The following GRIK1 variants were observed in gnomAD, a reference collection of about 807,000 sequenced individuals.
GRIK1 encodes glutamate receptor ionotropic, kainate 1.
A neutral mutation model predicts 105.7 loss-of-function variants in GRIK1; 69 were observed. The ratio of observed to expected loss-of-function variants is 0.65; its 90% CI spans 0.54 to 0.80. The LOEUF is 0.80. Ranked by LOEUF, GRIK1 falls within the 30% of genes least tolerant of loss-of-function variation. The pLI, the probability that GRIK1 is intolerant of heterozygous loss-of-function variation, is 0.00. For synonymous variants in GRIK1, 438 were observed against 431.3 expected (o/e 1.02, Z -0.19); for missense variants, 1,109 against 1,167.3 (o/e 0.95, Z 0.73).
chr21:29,601,147 G>T (rs1380577168), intron 7 of GRIK1: 1 of 458,022 alleles, frequency 2.2e-6, no homozygotes, highest in Non-Finnish European at 4.6e-6. Flanking sequence ...CTCCACGTGA[G>T]TGGGTACCAT....
chr21:29,636,856 G>C (rs2062407841), intron 7 of GRIK1, among the ~76,000 whole-genome samples: 1 of 151,926 alleles, frequency 6.6e-6, no homozygotes, highest in Non-Finnish European at 1.5e-5. Flanking sequence ...TCAATTATCA[G>C]TCAAATTTGA....
chr21:29,633,876 A>G (rs1462167111), intron 7 of GRIK1, among the ~76,000 whole-genome samples: 2 of 152,060 alleles, frequency 1.3e-5, no homozygotes, highest in Non-Finnish European at 2.9e-5. Flanking sequence ...AGAAATGGAA[A>G]TTTTTTCTGA....
chr21:29,704,715 T>C (rs1029818301), intron 1 of GRIK1, among the ~76,000 whole-genome samples: 2 of 152,152 alleles, frequency 1.3e-5, no homozygotes, highest in Non-Finnish European at 2.9e-5. Flanking sequence ...GCCTGACTTT[T>C]TCCATTACTG....
intron 1 of GRIK1, among the ~76,000 whole-genome samples, chr21:29,777,427 G>A (rs2065974406): frequency 1.3e-5 from 2 of 152,144 alleles, no homozygotes; most frequent in Admixed American, 1.3e-4. Flanking sequence ...AACCATGAAG[G>A]CTTTCCAAGG....
At chr21:29,848,792 T>TC (rs1555898515) in intron 1 of GRIK1, among the ~76,000 whole-genome samples, 6 of 144,720 alleles carry the variant, frequency 4.1e-5, no homozygotes, top group South Asian at 2.1e-4. Flanking sequence ...TTTTTTTTTT[T>TC]CCACGATCTT....
At chr21:29,867,920 G>GAA (rs2068873296) in intron 1 of GRIK1, among the ~76,000 whole-genome samples, 6 of 136,042 alleles carry the variant, frequency 4.4e-5, no homozygotes, top group African/African-American at 1.8e-4. Flanking sequence ...GAGAGAGAAA[G>GAA]AGAGAAAGAG....
intron 1 of GRIK1, among the ~76,000 whole-genome samples, chr21:29,876,173 C>T (rs952164550): frequency 6.7e-6 from 1 of 149,172 alleles, no homozygotes; most frequent in Non-Finnish European, 1.5e-5. Flanking sequence ...CTACTAGGTA[C>T]TTGGGTTTTG....
chr21:29,771,935 C>T (rs1450913029), intron 1 of GRIK1, among the ~76,000 whole-genome samples: 3 of 152,208 alleles, frequency 2.0e-5, no homozygotes, highest in Non-Finnish European at 4.4e-5. Context: ...GATGAACACT[C>T]AGCAAGCAGC....
At chr21:29,625,854 A>G (rs963161450) in intron 7 of GRIK1, among the ~76,000 whole-genome samples, 1 of 152,064 alleles carries the variant, frequency 6.6e-6, no homozygotes. Context: ...ATGCATGACT[A>G]TTTGTCCTTT....
chr21:29,888,139 C>A (rs556188214), intron 1 of GRIK1, among the ~76,000 whole-genome samples: 1 of 117,678 alleles, frequency 8.5e-6, no homozygotes, highest in South Asian at 3.0e-4. Flanking sequence ...TAGCCCCTCC[C>A]TCCCTCCCTC....
intron 1 of GRIK1, among the ~76,000 whole-genome samples, chr21:29,797,101 A>C (rs2066579743): frequency 6.6e-6 from 1 of 152,216 alleles, no homozygotes; most frequent in African/African-American, 2.4e-5. Flanking sequence ...GGTAGCGGCT[A>C]TCAAGCTGCC....
chr21:29,607,819 G>T (rs548478737), intron 7 of GRIK1, among the ~76,000 whole-genome samples: 1 of 152,226 alleles, frequency 6.6e-6, no homozygotes, highest in Non-Finnish European at 1.5e-5. Context: ...AATGAGACAA[G>T]ATAGCATTGA....
At chr21:29,875,279 T>G (rs912009700) in intron 1 of GRIK1, among the ~76,000 whole-genome samples, 1 of 152,050 alleles carries the variant, frequency 6.6e-6, no homozygotes, top group Non-Finnish European at 1.5e-5. Context: ...GTAGAAATGA[T>G]TACTCTCTTT....
At chr21:29,705,948 G>A (rs912690456) in intron 1 of GRIK1, among the ~76,000 whole-genome samples, 1 of 147,536 alleles carries the variant, frequency 6.8e-6, no homozygotes, top group Non-Finnish European at 1.5e-5. Flanking sequence ...GTCTCGGCTC[G>A]CTGCAACCTC....
intron 16 of GRIK1, among the ~76,000 whole-genome samples, chr21:29,538,214 C>G (rs1015450451): frequency 6.6e-6 from 1 of 152,086 alleles, no homozygotes; most frequent in African/African-American, 2.4e-5. Context: ...AATTCCTGCT[C>G]AGAGAAATTT....
At chr21:29,608,009 A>G (rs549732258) in intron 7 of GRIK1, among the ~76,000 whole-genome samples, 2 of 152,288 alleles carry the variant, frequency 1.3e-5, no homozygotes, top group South Asian at 2.1e-4. Flanking sequence ...TAACTGGTGG[A>G]TAATCTTGGG....
At chr21:29,824,541 G>T (rs2067394388) in intron 1 of GRIK1, among the ~76,000 whole-genome samples, 1 of 151,930 alleles carries the variant, frequency 6.6e-6, no homozygotes, top group Admixed American at 6.6e-5. Flanking sequence ...TTCAGAAAAG[G>T]CATCTCTGGT....
chr21:29,792,476 A>G (rs2066445977), intron 1 of GRIK1, among the ~76,000 whole-genome samples: 2 of 152,204 alleles, frequency 1.3e-5, no homozygotes, highest in African/African-American at 4.8e-5. Context: ...TAATTTCCTG[A>G]AAGGCACAGA....
intron 1 of GRIK1, among the ~76,000 whole-genome samples, chr21:29,925,090 T>A (rs1271438198): frequency 1.3e-5 from 2 of 152,256 alleles, no homozygotes; most frequent in African/African-American, 4.8e-5. Flanking sequence ...TACTACGTGA[T>A]GCCTTGTCAT....
Sources: gnomAD v4.1 joint callset for allele counts (sites outside exome capture counted in the v4.1 genomes callset) on GRCh38, gnomAD v4.1.1 for gene constraint, MANE v1.5 for transcripts, NCBI Gene and HGNC (gene_info 2026-07-23, HGNC 2026-07-21) for gene names.